The following ARMC9 variants were observed in gnomAD, a reference collection of about 807,000 sequenced individuals.
ARMC9 encodes the protein armadillo repeat containing 9, also known as lisH domain-containing protein ARMC9.
In ARMC9, 94 loss-of-function variants were observed where a neutral mutation model predicts 107.0. That is an observed-to-expected ratio of 0.88 (90% CI 0.74 to 1.04). The LOEUF is 1.04. ARMC9 is among the 50% of genes least tolerant of loss of function. The probability of loss-of-function intolerance (pLI) is 0.00; values close to 1 mark genes in which losing one functional copy is unlikely to be tolerated. For synonymous variants in ARMC9, 380 were observed against 396.9 expected, an observed-to-expected ratio of 0.96 and a Z score of 0.51; for missense variants, 942 against 1,030.1, an observed-to-expected ratio of 0.91 and a Z score of 1.17.
intron 22 of ARMC9, among the ~76,000 whole-genome samples, chr2:231,356,422 G>A (rs957863644): frequency 6.6e-6 from 1 of 152,178 alleles, no homozygotes; most frequent in Non-Finnish European, 1.5e-5. Context: ...GTATTTTTTA[G>A]ATGCCAGAAA....
At position 231,332,269 on chromosome 2, in the gene ARMC9, G is replaced by T. The variant is rs190450766; in HGVS notation, c.1878+372G>T. 3.2e-3 allele frequency among the ~76,000 whole-genome samples: 490 copies of T among 152,302 alleles called. 2 individuals are homozygous for T. Among genetic ancestry groups the T allele is most frequent in the African/African-American group, 0.011 (468 of 41,566 alleles). On this transcript the variant is annotated intron_variant, in intron 20 of 24. Coordinates refer to ENST00000611582, the MANE Select transcript of ARMC9 (RefSeq NM_001352754.2). The stretch of plus-strand genomic sequence containing the variant: ...AGACTTGGAAGTCCTTGGCGCAGAG[G>T]TGTTGGCTGAAACCATCATAGCCCA...
chr2:231,214,289 C>T (rs2125320110), intron 3 of ARMC9, among the ~76,000 whole-genome samples: 1 of 152,322 alleles, frequency 6.6e-6, no homozygotes, highest in East Asian at 1.9e-4. Context: ...CCTTCAGCTC[C>T]ATATCAGCCT....
chr2:231,268,157 T>C (rs919593108), intron 12 of ARMC9, among the ~76,000 whole-genome samples: 2 of 152,194 alleles, frequency 1.3e-5, no homozygotes, highest in African/African-American at 4.8e-5. Flanking sequence ...CCAAGTAACA[T>C]GAATCTATGA....
intron 19 of ARMC9, among the ~76,000 whole-genome samples, chr2:231,324,179 G>A (rs1012283873): frequency 1.5e-5 from 2 of 137,756 alleles, no homozygotes; most frequent in African/African-American, 5.5e-5. Flanking sequence ...CCAGGCTGGA[G>A]TGCAGTGGTG....
chr2:231,313,614 C>T (rs1278897601), intron 19 of ARMC9, among the ~76,000 whole-genome samples: 1 of 152,128 alleles, frequency 6.6e-6, no homozygotes, highest in African/African-American at 2.4e-5. Context: ...GCAAAGCTCC[C>T]TTGTGCACAT....
At chr2:231,276,857 T>C (rs2039807604) in intron 15 of ARMC9, 82 bp downstream of exon 15, 1 of 1,542,936 alleles carries the variant, frequency 6.5e-7, no homozygotes, top group African/African-American at 1.4e-5. Flanking sequence ...GAGCCTGATA[T>C]GGTTTGCTTT....
chr2:231,339,968 C>T (rs2044397619), intron 20 of ARMC9, among the ~76,000 whole-genome samples: 1 of 152,088 alleles, frequency 6.6e-6, no homozygotes, highest in Non-Finnish European at 1.5e-5. Flanking sequence ...ATAGGGGAGG[C>T]AAAATTTTAC....
intron 21 of ARMC9, among the ~76,000 whole-genome samples, chr2:231,350,609 G>A (rs1164773810): frequency 6.9e-6 from 1 of 144,384 alleles, no homozygotes; most frequent in Non-Finnish European, 1.5e-5. Context: ...GCAACAAAGT[G>A]AGACCCTTGT....
chr2:231,376,404 G>A lies in ARMC9; in HGVS notation c.*4869G>A, dbSNP rs1031798327. Among the ~76,000 whole-genome samples, 1 of 152,116 alleles carries A rather than the reference G, an allele frequency of 6.6e-6. No homozygotes were observed. Among genetic ancestry groups the A allele is most frequent in the Non-Finnish European group, 1.5e-5 (1 of 68,026 alleles). On this transcript the variant is annotated 3_prime_UTR_variant, in exon 25 of 25. Coordinates refer to ENST00000611582, the MANE Select transcript of ARMC9 (RefSeq NM_001352754.2). ...GAAAGAGAATGCACACCTGGGGGTG[G>A]GTCTCTGAACTGGCCCCCCTCCCCC...
At chr2:231,370,755 G>A in intron 24 of ARMC9, 1 of 218,294 alleles carries the variant, frequency 4.6e-6, no homozygotes, top group Non-Finnish European at 9.4e-6. Context: ...TCCAGCCTCT[G>A]CCAATTGATA....
At chr2:231,289,486 A>AT (rs1430513200) in intron 17 of ARMC9, among the ~76,000 whole-genome samples, 1 of 152,134 alleles carries the variant, frequency 6.6e-6, no homozygotes, top group African/African-American at 2.4e-5. Flanking sequence ...ATAAGTAAAA[A>AT]TTTTTAAAAG....
chr2:231,317,517 T>C (rs1266691102), intron 19 of ARMC9, among the ~76,000 whole-genome samples: 2 of 151,856 alleles, frequency 1.3e-5, no homozygotes, highest in East Asian at 3.9e-4. Context: ...TTGTGTGTGT[T>C]TGTTTTGGGG....
Position 231,360,135 on chromosome 2 carries a change from G to A in ARMC9, c.2132-619G>A, listed in dbSNP as rs1053068873. Among the ~76,000 whole-genome samples the A allele has an allele frequency of 1.3e-5, 2 of 152,040 alleles. No individual in the cohort carries two copies. The highest frequency in any genetic ancestry group is 2.9e-5 in the Non-Finnish European group (2 of 68,004). On this transcript the variant is annotated intron_variant, in intron 22 of 24. Transcript: ENST00000611582. This position sits in a 1 kb window ranked among gnomAD's most constrained non-coding sequence, Gnocchi z 4.7. ...TTCCCAGGCCCTTGGGGAGCCCTCC[G>A]TATGCTATGATGCTATCTGGGATTC...
At chr2:231,356,172 G>A (rs1361778018) in intron 22 of ARMC9, among the ~76,000 whole-genome samples, 1 of 152,182 alleles carries the variant, frequency 6.6e-6, no homozygotes, top group African/African-American at 2.4e-5. Context: ...GAGCTCCTGG[G>A]GCAAGATTTC....
At chr2:231,324,230 C>T (rs939338053) in intron 19 of ARMC9, among the ~76,000 whole-genome samples, 1 of 141,470 alleles carries the variant, frequency 7.1e-6, no homozygotes, top group Non-Finnish European at 1.5e-5. Flanking sequence ...CAGGTTCAAG[C>T]GATTCTTCTG....
chr2:231,296,213 G>A lies in ARMC9; in HGVS notation c.1733G>A (p.Gly578Asp), dbSNP rs769808996. The A allele has an allele frequency of 9.9e-6, 16 of 1,613,250 alleles. No individual in the cohort carries two copies. In the East Asian group the frequency reaches 2.2e-4, roughly 22 times the overall value. The part of the protein sequence containing the change: ...KQLNSEELPD[G>D]VLESDDDEDE... ...TTCTTTATAGAAGAGCTACCAGATG[G>A]TGTTCTTGAATCTGATGATGATGAA... The change falls in exon 19 of 25, where the codon GGT becomes GAT. Residue 578 changes from glycine to aspartate, a missense_variant. Transcript: ENST00000611582.
In ARMC9 at chr2:231,213,212, G is replaced by A. The variant is rs148097556; in HGVS notation, c.178-1619G>A. ...AGGGTCTCATTCTGTTGCTTAGGCT[G>A]AAATCCAGTGGTGGGATCTCAGCTC... is the stretch of plus-strand genomic sequence containing the variant. On this transcript the variant is annotated intron_variant, in intron 3 of 24. Coordinates refer to ENST00000611582, the MANE Select transcript of ARMC9 (RefSeq NM_001352754.2). 6.2e-3 allele frequency among the ~76,000 whole-genome samples: 889 copies of A among 144,510 alleles called. 9 individuals carry two copies. The highest frequency in any genetic ancestry group is 0.022 in the African/African-American group (860 of 38,478). 94.8% of individuals were successfully genotyped at this position (144,510 alleles called of 152,430 possible).
intron 4 of ARMC9, among the ~76,000 whole-genome samples, chr2:231,215,982 T>A (rs1253696275): frequency 6.6e-6 from 1 of 152,170 alleles, no homozygotes; most frequent in African/African-American, 2.4e-5. Flanking sequence ...TACGAGACTG[T>A]GAAGGCCATG....
rs1218588466 is a variant in ARMC9 at position 231,372,739 on chromosome 2, TGTGTGTGTGTGTGTGTATGA to T, written c.*1209_*1228del. On this transcript the variant is annotated 3_prime_UTR_variant, in exon 25 of 25. Coordinates refer to ENST00000611582, the MANE Select transcript of ARMC9 (RefSeq NM_001352754.2). ...GTGTGTGTGTGTGTGTGTGTGTGTGTGTGTGTGTGTGTGTGTATGAGTGTATGAAGGGAAATGGAAAGCAG... is the reference window on the plus strand; with the variant it reads ...GTGTGTGTGTGTGTGTGTGTGTGTGTGTGTATGAAGGGAAATGGAAAGCAG... 62 of 104,384 alleles carry T rather than the reference TGTGTGTGTGTGTGTGTATGA, an allele frequency of 5.9e-4. No homozygotes were observed. The highest frequency in any genetic ancestry group is 8.5e-3 in the Middle Eastern group (2 of 234). The allele number at this position is 104,384 out of a possible 1,614,324, so 6.5% of individuals were successfully genotyped here.
Sources: gnomAD v4.1 joint callset for allele counts (sites outside exome capture counted in the v4.1 genomes callset) on GRCh38, gnomAD v4.1.1 for gene constraint, Gnocchi (gnomAD v3.1) non-coding constraint, MANE v1.5 for transcripts, NCBI Gene and HGNC (gene_info 2026-07-23, HGNC 2026-07-21) for gene names.